The following TBL1X variants were observed in gnomAD, a reference collection of about 807,000 sequenced individuals.
TBL1X encodes transducin beta like 1 X-linked.
Under a neutral mutation model 50.7 loss-of-function variants are expected in TBL1X, and 10 were observed. The ratio of observed to expected loss-of-function variants is 0.20; its 90% CI spans 0.12 to 0.33. TBL1X has a LOEUF of 0.33. Among genes scored for constraint, TBL1X ranks in the 10% least tolerant of loss-of-function variants. The probability of loss-of-function intolerance (pLI) is 1.00; values close to 1 mark genes in which losing one functional copy is unlikely to be tolerated. For synonymous variants in TBL1X, 190 were observed against 214.7 expected, an observed-to-expected ratio of 0.88 and a Z score of 1.01; for missense variants, 340 against 504.4, an observed-to-expected ratio of 0.67 and a Z score of 3.12.
intron 1 of TBL1X, among the ~76,000 whole-genome samples, chrX:9,482,649 C>G (rs2081889535): frequency 9.0e-6 from 1 of 111,164 alleles, no homozygotes; most frequent in Non-Finnish European, 1.9e-5. Flanking sequence ...CCCCTGGGAC[C>G]AACCCCTGCA....
chrX:9,561,461 T>C (rs2082324677), intron 2 of TBL1X, among the ~76,000 whole-genome samples: 1 of 111,298 alleles, frequency 9.0e-6, no homozygotes, highest in Non-Finnish European at 1.9e-5. Flanking sequence ...ACAGGAGCGT[T>C]GAAGTCTGAA....
chrX:9,683,677 C>T (rs1475710715), intron 5 of TBL1X, among the ~76,000 whole-genome samples: 8 of 111,537 alleles, frequency 7.2e-5, no homozygotes, highest in African/African-American at 2.0e-4. Flanking sequence ...TTACGAACCA[C>T]GGAGTTTTGG....
At chrX:9,491,288 C>T (rs1474280073) in intron 1 of TBL1X, among the ~76,000 whole-genome samples, 8 of 98,426 alleles carry the variant, frequency 8.1e-5, no homozygotes, top group Non-Finnish European at 1.4e-4. Flanking sequence ...ACCGCATCAC[C>T]GCACTTGGCC....
chrX:9,627,617 T>C (rs2082699147), intron 2 of TBL1X, among the ~76,000 whole-genome samples: 1 of 112,690 alleles, frequency 8.9e-6, no homozygotes, highest in Non-Finnish European at 1.9e-5. Context: ...ACATTGTGCA[T>C]TGGAAATTGT....
In TBL1X at chrX:9,692,174, C is replaced by T. The variant is rs1430804196; in HGVS notation, c.811C>T (p.Gln271Ter). 1 of 1,209,233 alleles carries T rather than the reference C, an allele frequency of 8.3e-7. No homozygotes were observed. The highest frequency in any genetic ancestry group is 1.1e-6 in the Non-Finnish European group (1 of 895,020). Reference protein sequence around the residue: ...LNENSNGGSTQLVLRHCIREG... With the variant: ...LNENSNGGST ...TGAGAATAGCAACGGGGGCTCCACCCAGCTCGTGTTGAGGCACTGTATACG... is the reference window on the plus strand; with the variant it reads ...TGAGAATAGCAACGGGGGCTCCACCTAGCTCGTGTTGAGGCACTGTATACG... The change falls in exon 9 of 18, where the codon CAG (glutamine) becomes TAG (stop). Residue 271 changes from glutamine (Q) to a stop codon, truncating the protein, a stop_gained. Transcript: ENST00000645353. LOFTEE classifies it high-confidence loss of function.
intron 1 of TBL1X, among the ~76,000 whole-genome samples, chrX:9,491,328 ATATATATATATTTTTT>A (rs1300177299): frequency 6.0e-4 from 14 of 23,220 alleles, no homozygotes; most frequent in African/African-American, 2.1e-3. Flanking sequence ...ATATATATAT[ATATATATATATTTTTT>A]TTTTTTTTTT....
chrX:9,687,702 G>A (rs959351840), intron 6 of TBL1X, among the ~76,000 whole-genome samples: 1 of 97,271 alleles, frequency 1.0e-5, no homozygotes, highest in African/African-American at 4.0e-5. Context: ...GTTGAGAATT[G>A]TGCCATCAGG....
intron 2 of TBL1X, among the ~76,000 whole-genome samples, chrX:9,535,744 G>T (rs965129212): frequency 8.9e-6 from 1 of 112,074 alleles, no homozygotes; most frequent in African/African-American, 3.2e-5. Flanking sequence ...TTAAAGTTGA[G>T]TCTGTAGGAC....
chrX:9,519,332 G>A (rs1569213470), intron 2 of TBL1X, among the ~76,000 whole-genome samples: 1 of 111,246 alleles, frequency 9.0e-6, no homozygotes, highest in Non-Finnish European at 1.9e-5. Flanking sequence ...CTGCAGCCTC[G>A]ATCTCCTGGG....
chrX:9,665,271 CA>C (rs973364788), intron 5 of TBL1X, among the ~76,000 whole-genome samples: 28 of 105,358 alleles, frequency 2.7e-4, no homozygotes, highest in Non-Finnish European at 1.2e-4. Flanking sequence ...GCAGACTTTC[CA>C]TTTGATTTTT....
At chrX:9,663,943 A>C (rs1037278022) in intron 5 of TBL1X, among the ~76,000 whole-genome samples, 3 of 110,509 alleles carry the variant, frequency 2.7e-5, no homozygotes, top group African/African-American at 9.9e-5. Flanking sequence ...TGTTGAATGA[A>C]GAGTTTGGTA....
At chrX:9,491,092 C>T (rs2081938970) in intron 1 of TBL1X, among the ~76,000 whole-genome samples, 1 of 108,066 alleles carries the variant, frequency 9.3e-6, no homozygotes, top group Non-Finnish European at 1.9e-5. Flanking sequence ...AATCCTCCTG[C>T]CTCAGCCTCT....
At chrX:9,547,615 T>C (rs10126867) in intron 2 of TBL1X, among the ~76,000 whole-genome samples, 41,369 of 110,108 alleles carry the variant, frequency 0.38, 5,915 homozygotes, top group East Asian at 0.55. Context: ...CCACTGCGCC[T>C]AGCCTCGTAT....
At chrX:9,537,562 A>C (rs1265766290) in intron 2 of TBL1X, among the ~76,000 whole-genome samples, 1 of 109,281 alleles carries the variant, frequency 9.2e-6, no homozygotes, top group Admixed American at 9.8e-5. Flanking sequence ...GACCTTTTAT[A>C]TGTGGGATCA....
At chrX:9,501,731 T>C (rs998709604) in intron 1 of TBL1X, 49 bp from the exon 2 acceptor site, 2 of 112,174 alleles carry the variant, frequency 1.8e-5, no homozygotes, top group Non-Finnish European at 3.8e-5. Flanking sequence ...TATACTATTA[T>C]GCTGTTTTCA....
At chrX:9,513,845 C>T (rs1569211972) in intron 2 of TBL1X, among the ~76,000 whole-genome samples, 1 of 108,413 alleles carries the variant, frequency 9.2e-6, no homozygotes, top group Non-Finnish European at 1.9e-5. Context: ...TCTTGGGAGG[C>T]CTCAGAGCTT....
intron 12 of TBL1X, among the ~76,000 whole-genome samples, chrX:9,700,268 T>C (rs1192666198): frequency 8.9e-6 from 1 of 112,603 alleles, no homozygotes; most frequent in Non-Finnish European, 1.9e-5. Context: ...CAGGGATGTC[T>C]AATGCAGAAA....
At chrX:9,709,216 T>C (rs1457468813) in intron 13 of TBL1X, 32 bp from the exon 14 acceptor site, 1 of 1,197,123 alleles carries the variant, frequency 8.4e-7, no homozygotes. Flanking sequence ...CAGGCCCTGA[T>C]GTCTTTTTCA....
intron 5 of TBL1X, among the ~76,000 whole-genome samples, chrX:9,663,375 C>G (rs1196521462): frequency 1.8e-5 from 2 of 112,111 alleles, no homozygotes; most frequent in African/African-American, 6.5e-5. Flanking sequence ...GAGCACCACT[C>G]AGCTGTGAAA....
Sources: gnomAD v4.1 joint callset for allele counts (sites outside exome capture counted in the v4.1 genomes callset) on GRCh38, gnomAD v4.1.1 for gene constraint, MANE v1.5 for transcripts, NCBI Gene and HGNC (gene_info 2026-07-23, HGNC 2026-07-21) for gene names.